Variants in NUDT9 observed in about 807,000 individuals in gnomAD.
The protein encoded by NUDT9 is nudix hydrolase 9.
A neutral mutation model predicts 41.0 loss-of-function variants in NUDT9; 31 were observed. That is an observed-to-expected ratio of 0.76 (90% CI 0.57 to 1.02). The LOEUF (loss-of-function observed/expected upper bound fraction) is 1.02, where lower values mean the gene tolerates loss of function less well. Ranked by LOEUF, NUDT9 falls within the 50% of genes least tolerant of loss-of-function variation. NUDT9 has a pLI of 0.00. For synonymous variants in NUDT9, 146 were observed against 147.6 expected (o/e 0.99, Z 0.08); for missense variants, 380 against 431.4 (o/e 0.88, Z 1.06).
At chr4:87,442,233 A>G (rs573966707) in intron 4 of NUDT9, among the ~76,000 whole-genome samples, 1 of 152,382 alleles carries the variant, frequency 6.6e-6, no homozygotes, top group Non-Finnish European at 1.5e-5. Flanking sequence ...ACAAGCCTGT[A>G]CAGCATGTTA....
At chr4:87,448,581 A>AG (rs1391349498) in intron 4 of NUDT9, among the ~76,000 whole-genome samples, 1 of 152,048 alleles carries the variant, frequency 6.6e-6, no homozygotes, top group Non-Finnish European at 1.5e-5. Flanking sequence ...TCCTGGGTAC[A>AG]GTGACCCTTC....
chr4:87,428,112 C>T (rs887752081), intron 1 of NUDT9, among the ~76,000 whole-genome samples: 5 of 152,138 alleles, frequency 3.3e-5, no homozygotes, highest in Admixed American at 6.5e-5. Flanking sequence ...GTTTTCAGCC[C>T]GTCTGGGGAT....
At chr4:87,449,545 G>A (rs1722618147) in intron 5 of NUDT9, among the ~76,000 whole-genome samples, 1 of 152,100 alleles carries the variant, frequency 6.6e-6, no homozygotes, top group Admixed American at 6.6e-5. Flanking sequence ...GGGTGATTGG[G>A]AGTTCAGGCC....
intron 7 of NUDT9, among the ~76,000 whole-genome samples, chr4:87,455,252 C>T (rs1047281492): frequency 1.1e-4 from 17 of 152,158 alleles, no homozygotes; most frequent in African/African-American, 4.1e-4. Context: ...ATTTCCATAT[C>T]CTGTGCTTTT....
intron 1 of NUDT9, among the ~76,000 whole-genome samples, chr4:87,432,577 G>T (rs1403005488): frequency 6.6e-6 from 1 of 151,704 alleles, no homozygotes; most frequent in Non-Finnish European, 1.5e-5. Flanking sequence ...GAACATCCTT[G>T]TCTTGTTCCT....
At chr4:87,437,451 C>T (rs1360748749) in intron 2 of NUDT9, among the ~76,000 whole-genome samples, 1 of 151,950 alleles carries the variant, frequency 6.6e-6, no homozygotes, top group African/African-American at 2.4e-5. Context: ...CGCCATTCTC[C>T]TGCCTCAGCC....
chr4:87,426,288 G>C (rs913291066), intron 1 of NUDT9, among the ~76,000 whole-genome samples: 1 of 152,160 alleles, frequency 6.6e-6, no homozygotes, highest in African/African-American at 2.4e-5. Flanking sequence ...AATAGAGATA[G>C]TAAAACATAG....
At chr4:87,457,517 C>G (rs1440771027) in intron 7 of NUDT9, among the ~76,000 whole-genome samples, 1 of 152,124 alleles carries the variant, frequency 6.6e-6, no homozygotes, top group Admixed American at 6.6e-5. Context: ...ACATTTAAAT[C>G]TCTCATCCCT....
chr4:87,456,369 C>G (rs780453199), intron 7 of NUDT9, among the ~76,000 whole-genome samples: 2 of 152,128 alleles, frequency 1.3e-5, no homozygotes, highest in Admixed American at 6.5e-5. Flanking sequence ...GGAAATCCAG[C>G]GGGGGCTGGA....
chr4:87,447,725 T>G (rs2110184003), intron 4 of NUDT9, among the ~76,000 whole-genome samples: 1 of 152,274 alleles, frequency 6.6e-6, no homozygotes, highest in South Asian at 2.1e-4. Flanking sequence ...TTTTTGTTTA[T>G]CAAATCAGAG....
intron 4 of NUDT9, among the ~76,000 whole-genome samples, chr4:87,445,880 G>A (rs1463101863): frequency 6.6e-6 from 1 of 151,590 alleles, no homozygotes; most frequent in African/African-American, 2.4e-5. Flanking sequence ...GAGAACATAT[G>A]CAAGCTGCTG....
At chr4:87,437,322 C>T (rs1721986200) in intron 2 of NUDT9, among the ~76,000 whole-genome samples, 1 of 148,210 alleles carries the variant, frequency 6.7e-6, no homozygotes, top group Non-Finnish European at 1.5e-5. Context: ...TAGTAAAGTG[C>T]ACATTTCTTT....
intron 4 of NUDT9, among the ~76,000 whole-genome samples, chr4:87,443,252 C>A (rs1285981694): frequency 6.7e-6 from 1 of 149,494 alleles, no homozygotes; most frequent in Non-Finnish European, 1.5e-5. Context: ...CGACTATACA[C>A]ACACACACAT....
At position 87,457,038 on chromosome 4, in the gene NUDT9, T is replaced by A. The variant is rs1404555670; in HGVS notation, c.875-805T>A. On this transcript the variant is annotated intron_variant, in intron 7 of 7. Transcript: ENST00000302174. ...AATTCTTCAAAGAGGAATTACTGGA[T>A]TGCTTATTGTATCTTCAGTGCCTAG... Among the ~76,000 whole-genome samples the A allele has an allele frequency of 2.0e-5, 3 of 152,298 alleles. No individual in the cohort carries two copies. The East Asian group carries it at 5.8e-4, about 29-fold the overall frequency.
intron 1 of NUDT9, among the ~76,000 whole-genome samples, chr4:87,431,714 C>CTTTG (rs905558655): frequency 2.6e-5 from 4 of 152,018 alleles, no homozygotes; most frequent in South Asian, 2.1e-4. Context: ...ATTATTAGTG[C>CTTTG]TTTGTTTGTT....
chr4:87,424,254 G>GTTTTTTTTTT (rs147874067), intron 1 of NUDT9, among the ~76,000 whole-genome samples: 1 of 99,184 alleles, frequency 1.0e-5, no homozygotes, highest in African/African-American at 4.3e-5. Flanking sequence ...TCCCTAATGC[G>GTTTTTTTTTT]TTTTTTTTTT....
At chr4:87,425,894 A>G (rs1721395006) in intron 1 of NUDT9, among the ~76,000 whole-genome samples, 1 of 151,780 alleles carries the variant, frequency 6.6e-6, no homozygotes, top group African/African-American at 2.4e-5. Flanking sequence ...TGCAGTCTCA[A>G]CCTCCTGGGC....
chr4:87,451,521 C>T (rs1722707469), intron 5 of NUDT9, 68 bp from the exon 6 acceptor site: 1 of 1,234,868 alleles, frequency 8.1e-7, no homozygotes, highest in East Asian at 2.3e-5. Flanking sequence ...CACTCTACTA[C>T]TCAATAAATA....
intron 1 of NUDT9, 89 bp downstream of exon 1, chr4:87,423,101 C>T: frequency 3.4e-6 from 3 of 883,266 alleles, no homozygotes; most frequent in Non-Finnish European, 5.2e-6. Context: ...ATTCTGTAGG[C>T]TTTGCTTTGC....
Sources: gnomAD v4.1 joint callset for allele counts (sites outside exome capture counted in the v4.1 genomes callset) on GRCh38, gnomAD v4.1.1 for gene constraint, MANE v1.5 for transcripts, NCBI Gene and HGNC (gene_info 2026-07-23, HGNC 2026-07-21) for gene names.